Variants in LIMS1 observed in about 807,000 individuals in gnomAD.
LIMS1 encodes the protein LIM and senescent cell antigen-like-containing domain protein 1.
A neutral mutation model predicts 44.1 loss-of-function variants in LIMS1; 18 were observed. The observed-to-expected ratio is 0.41, with a 90% confidence interval of 0.28 to 0.61. The LOEUF is 0.61. Ranked by LOEUF, LIMS1 falls within the 20% of genes least tolerant of loss-of-function variation. LIMS1 has a pLI of 0.32. For synonymous variants in LIMS1, 93 were observed against 149.1 expected (o/e 0.62, Z 2.74); for missense variants, 201 against 422.0 (o/e 0.48, Z 4.59).
At chr2:108,678,525 T>A (rs1692727429) in intron 8 of LIMS1, 1 of 157,110 alleles carries the variant, frequency 6.4e-6, no homozygotes, top group Admixed American at 6.5e-5. Context: ...CTAACACACT[T>A]CTGCCAGAGA....
intron 1 of LIMS1, among the ~76,000 whole-genome samples, chr2:108,642,713 A>G (rs527332359): frequency 2.0e-5 from 3 of 152,134 alleles, no homozygotes; most frequent in African/African-American, 4.8e-5. Flanking sequence ...TGCTATTTTC[A>G]TGACTTTATT....
At chr2:108,535,568 C>A (rs941929109) in intron 1 of LIMS1, among the ~76,000 whole-genome samples, 7 of 152,248 alleles carry the variant, frequency 4.6e-5, no homozygotes, top group Admixed American at 4.6e-4. Context: ...TATTGGCTCA[C>A]TGAGTTTGGC....
At chr2:108,683,771 TATC>T in intron 9 of LIMS1, 111 bp from the exon 10 acceptor site, 2 of 478,072 alleles carry the variant, frequency 4.2e-6, no homozygotes, top group Non-Finnish European at 7.5e-6. Flanking sequence ...ATGAATATAA[TATC>T]ATCACCTAGT....
At chr2:108,604,625 C>T (rs1227796856) in intron 1 of LIMS1, among the ~76,000 whole-genome samples, 3 of 152,164 alleles carry the variant, frequency 2.0e-5, no homozygotes, top group Non-Finnish European at 4.4e-5. Flanking sequence ...CTCCTCATCC[C>T]CCTTCCTCAA....
chr2:108,568,722 A>G (rs1280516295), intron 1 of LIMS1, among the ~76,000 whole-genome samples: 3 of 152,188 alleles, frequency 2.0e-5, no homozygotes, highest in Non-Finnish European at 4.4e-5. Flanking sequence ...AATAGTAGCC[A>G]TTGTAATGGG....
At chr2:108,581,475 A>G (rs1028132076) in intron 1 of LIMS1, among the ~76,000 whole-genome samples, 1 of 152,210 alleles carries the variant, frequency 6.6e-6, no homozygotes, top group African/African-American at 2.4e-5. Context: ...GTGTTCCCCA[A>G]TTCATGAATT....
chr2:108,653,052 G>T (rs1260557632), intron 1 of LIMS1, among the ~76,000 whole-genome samples: 1 of 152,218 alleles, frequency 6.6e-6, no homozygotes, highest in African/African-American at 2.4e-5. Flanking sequence ...GCCTGGGCAG[G>T]ATCTGTAGCC....
chr2:108,665,279 C>T lies in LIMS1; in HGVS notation c.193-5502C>T, dbSNP rs899179064. ...CTAGTCTATATGGTATGGCCTATCCCTCCTAGGCTACAAACCTGTACAGCA... is the reference window on the plus strand; with the variant it reads ...CTAGTCTATATGGTATGGCCTATCCTTCCTAGGCTACAAACCTGTACAGCA... On this transcript the variant is annotated intron_variant, in intron 2 of 9. Coordinates refer to ENST00000544547, the Ensembl canonical transcript of LIMS1. Among the ~76,000 whole-genome samples the T allele has an allele frequency of 6.6e-5, 10 of 152,144 alleles. 1 individual carries two copies. The highest frequency in any genetic ancestry group is 5.2e-4 in the Admixed American group (8 of 15,278).
intron 1 of LIMS1, among the ~76,000 whole-genome samples, chr2:108,646,693 G>C (rs901225208): frequency 2.0e-5 from 3 of 152,090 alleles, no homozygotes; most frequent in Admixed American, 2.0e-4. Flanking sequence ...CCAGGAGCTG[G>C]GGTTTTGTTT....
At chr2:108,610,128 G>T (rs1687512178) in intron 1 of LIMS1, among the ~76,000 whole-genome samples, 1 of 151,686 alleles carries the variant, frequency 6.6e-6, no homozygotes, top group African/African-American at 2.4e-5. Context: ...GGGCGACAAA[G>T]TGAGACTCTG....
intron 1 of LIMS1, among the ~76,000 whole-genome samples, chr2:108,594,371 A>G (rs542265968): frequency 2.0e-5 from 3 of 152,350 alleles, no homozygotes; most frequent in South Asian, 2.1e-4. Context: ...AGTGACATTT[A>G]CTGAGAACAC....
chr2:108,544,974 C>T (rs1684436726), intron 1 of LIMS1, among the ~76,000 whole-genome samples: 1 of 152,164 alleles, frequency 6.6e-6, no homozygotes, highest in Non-Finnish European at 1.5e-5. Flanking sequence ...AGTAGTAATT[C>T]CTTGATATCA....
At chr2:108,593,851 A>G (rs913766238) in intron 1 of LIMS1, among the ~76,000 whole-genome samples, 16 of 152,380 alleles carry the variant, frequency 1.1e-4, no homozygotes, top group Middle Eastern at 3.4e-3. Context: ...GTCAGTAATT[A>G]AAAGTCAACA....
intron 1 of LIMS1, among the ~76,000 whole-genome samples, chr2:108,583,076 T>C (rs1464070355): frequency 6.6e-6 from 1 of 152,272 alleles, no homozygotes; most frequent in African/African-American, 2.4e-5. Flanking sequence ...TTCATTCTTA[T>C]TGCCCAGGCT....
At chr2:108,581,400 A>G (rs2718721) in intron 1 of LIMS1, among the ~76,000 whole-genome samples, 101,435 of 152,150 alleles carry the variant, frequency 0.67, 34,521 homozygotes, top group East Asian at 0.97. Context: ...TTTTGCTTCT[A>G]CGTTTCCCAG....
intron 1 of LIMS1, among the ~76,000 whole-genome samples, chr2:108,640,720 A>G (rs900432356): frequency 4.6e-5 from 7 of 152,250 alleles, no homozygotes; most frequent in Non-Finnish European, 1.0e-4. Context: ...CATGCATGTA[A>G]TGCATAAGGA....
At chr2:108,589,612 G>A (rs942173601) in intron 1 of LIMS1, among the ~76,000 whole-genome samples, 2 of 152,076 alleles carry the variant, frequency 1.3e-5, no homozygotes, top group African/African-American at 2.4e-5. Flanking sequence ...TGTTATTTGA[G>A]ATCTTTCTTT....
At chr2:108,612,019 C>CACACAGATATATAT (rs1573445797) in intron 1 of LIMS1, among the ~76,000 whole-genome samples, 1 of 67,404 alleles carries the variant, frequency 1.5e-5, no homozygotes, top group East Asian at 3.1e-3. Context: ...TATATATATA[C>CACACAGATATATAT]ACACACATAT....
intron 1 of LIMS1, among the ~76,000 whole-genome samples, chr2:108,625,805 A>T (rs941952667): frequency 2.6e-5 from 4 of 152,220 alleles, no homozygotes; most frequent in Admixed American, 2.6e-4. Context: ...CTTTCTGGTT[A>T]TAGAATAAAC....
Sources: gnomAD v4.1 joint callset for allele counts (sites outside exome capture counted in the v4.1 genomes callset) on GRCh38, gnomAD v4.1.1 for gene constraint, MANE v1.5 for transcripts, NCBI Gene and HGNC (gene_info 2026-07-23, HGNC 2026-07-21) for gene names.